The following SFMBT2 variants were observed in gnomAD, a reference collection of about 807,000 sequenced individuals.
The protein encoded by SFMBT2 is scm-like with four MBT domains protein 2.
SFMBT2 carries 38 observed loss-of-function variants against 110.1 expected under a neutral mutation model. The ratio of observed to expected loss-of-function variants is 0.35; its 90% CI spans 0.27 to 0.45. The LOEUF (loss-of-function observed/expected upper bound fraction) is 0.45. Ranked by LOEUF, SFMBT2 falls within the 20% of genes least tolerant of loss-of-function variation. SFMBT2 has a pLI of 1.00. For synonymous variants in SFMBT2, 425 were observed against 425.4 expected (o/e 1.00, Z 0.01); for missense variants, 1,011 against 1,094.9 (o/e 0.92, Z 1.08).
At chr10:7,179,355 G>A (rs1297396519) in intron 16 of SFMBT2, among the ~76,000 whole-genome samples, 1 of 142,348 alleles carries the variant, frequency 7.0e-6, no homozygotes, top group Non-Finnish European at 1.5e-5. Context: ...GACCCACGTT[G>A]GGGCGGTTCT....
At chr10:7,180,621 T>G (rs1838216838) in intron 16 of SFMBT2, among the ~76,000 whole-genome samples, 1 of 152,154 alleles carries the variant, frequency 6.6e-6, no homozygotes, top group African/African-American at 2.4e-5. Flanking sequence ...GATCTCTGTC[T>G]TCTCAATCCC....
At chr10:7,282,098 C>A (rs1392452816) in intron 6 of SFMBT2, among the ~76,000 whole-genome samples, 2 of 152,264 alleles carry the variant, frequency 1.3e-5, no homozygotes, top group Admixed American at 1.3e-4. Flanking sequence ...GCCATCATGC[C>A]CTGCCTGTTC....
chr10:7,378,729 G>T (rs1439139922), intron 2 of SFMBT2, among the ~76,000 whole-genome samples: 1 of 148,382 alleles, frequency 6.7e-6, no homozygotes, highest in Non-Finnish European at 1.5e-5. Context: ...TGTGGGGTGG[G>T]TGTGTGGCTG....
chr10:7,277,945 C>T (rs1341665450), intron 6 of SFMBT2, among the ~76,000 whole-genome samples: 1 of 152,220 alleles, frequency 6.6e-6, no homozygotes, highest in Non-Finnish European at 1.5e-5. Flanking sequence ...CTTTTGAACT[C>T]ACCTTGAGCT....
intron 4 of SFMBT2, among the ~76,000 whole-genome samples, chr10:7,297,031 A>G (rs1842424620): frequency 6.6e-6 from 1 of 152,244 alleles, no homozygotes; most frequent in African/African-American, 2.4e-5. Flanking sequence ...ACACCTCCAC[A>G]GTCATGAGAG....
chr10:7,215,575 G>C (rs973602487), intron 11 of SFMBT2: 3 of 985,300 alleles, frequency 3.0e-6, no homozygotes, highest in Non-Finnish European at 3.6e-6. Flanking sequence ...CCAAGCACTG[G>C]AATCCCTCCC....
chr10:7,329,515 G>C, intron 4 of SFMBT2: 1 of 984,758 alleles, frequency 1.0e-6, no homozygotes, highest in Non-Finnish European at 1.2e-6. Flanking sequence ...GAGAGGAGGT[G>C]CTGCTGCTGC....
intron 11 of SFMBT2, among the ~76,000 whole-genome samples, chr10:7,216,733 C>T (rs545589866): frequency 7.2e-5 from 11 of 152,298 alleles, no homozygotes; most frequent in South Asian, 2.1e-4. Context: ...TCAAAATTCC[C>T]GCCACTCCCT....
rs141321133 is a variant in SFMBT2 at position 7,220,598 on chromosome 10, G to A, written c.1204-61C>T. On this transcript the variant is annotated intron_variant, in intron 10 of 20. Coordinates refer to ENST00000397167, the MANE Select transcript of SFMBT2 (RefSeq NM_001387889.1). Reference sequence around the variant, plus strand: ...TGACGCAGCAGGACAAAGCTGGGCAGATGAAGAAAGAGAAAGAAATGCACG... The same window carrying A: ...TGACGCAGCAGGACAAAGCTGGGCAAATGAAGAAAGAGAAAGAAATGCACG... The A allele has an allele frequency of 5.9e-3, 9,348 of 1,587,620 alleles. 45 individuals carry two copies. The highest frequency in any genetic ancestry group is 6.9e-3 in the Non-Finnish European group (8,005 of 1,158,674).
chr10:7,396,185 G>T (rs1845921623), intron 1 of SFMBT2, among the ~76,000 whole-genome samples: 1 of 152,196 alleles, frequency 6.6e-6, no homozygotes, highest in Non-Finnish European at 1.5e-5. Flanking sequence ...GGAGATGGAG[G>T]TTGCAGTGAG....
At chr10:7,391,302 T>G (rs537292333) in intron 1 of SFMBT2, among the ~76,000 whole-genome samples, 3 of 148,994 alleles carry the variant, frequency 2.0e-5, no homozygotes, top group Non-Finnish European at 4.5e-5. Flanking sequence ...CCTGTCTCTA[T>G]TAAGAATAGA....
chr10:7,166,545 G>A (rs998174002), intron 20 of SFMBT2, among the ~76,000 whole-genome samples: 1 of 152,192 alleles, frequency 6.6e-6, no homozygotes, highest in Non-Finnish European at 1.5e-5. Flanking sequence ...TGGCCTCTGG[G>A]GAATGTCACA....
In SFMBT2 at chr10:7,163,710, C is replaced by A; in HGVS notation, c.*60G>T. 1.3e-6 allele frequency: 2 copies of A among 1,486,416 alleles called. No homozygotes were observed. The highest frequency in any genetic ancestry group is 1.2e-5 in the South Asian group (1 of 84,298). The allele number at this position is 1,486,416 out of a possible 1,614,324, so 92.1% of individuals were successfully genotyped here. ...TATCCCGGAAAATCAAAGTTTCAGT[C>A]CTGGAAACCTTTACCAACACCGCAT... On this transcript the variant is annotated 3_prime_UTR_variant, in exon 21 of 21. Transcript: ENST00000397167. This position sits in a 1 kb window ranked among gnomAD's most constrained non-coding sequence, Gnocchi z 4.8.
intron 1 of SFMBT2, among the ~76,000 whole-genome samples, chr10:7,401,401 C>T (rs1417637414): frequency 1.3e-5 from 2 of 152,182 alleles, no homozygotes; most frequent in African/African-American, 4.8e-5. Context: ...CCCACAGCTT[C>T]CAGCACACGG....
At chr10:7,392,432 T>C (rs758251057) in intron 1 of SFMBT2, among the ~76,000 whole-genome samples, 4 of 152,070 alleles carry the variant, frequency 2.6e-5, no homozygotes, top group African/African-American at 9.7e-5. Flanking sequence ...GGAGAATCGC[T>C]TGAACCCAGG....
At chr10:7,363,227 C>A (rs1337383589) in intron 4 of SFMBT2, among the ~76,000 whole-genome samples, 1 of 152,162 alleles carries the variant, frequency 6.6e-6, no homozygotes, top group Admixed American at 6.5e-5. Context: ...AAGGGAAATT[C>A]CCCTGCACAG....
At chr10:7,238,224 G>T (rs1394367536) in intron 9 of SFMBT2, among the ~76,000 whole-genome samples, 3 of 152,208 alleles carry the variant, frequency 2.0e-5, no homozygotes, top group East Asian at 1.9e-4. Flanking sequence ...CTCACTAGCG[G>T]CCTGAAACAG....
At chr10:7,226,089 A>AC (rs1179790250) in intron 10 of SFMBT2, among the ~76,000 whole-genome samples, 1 of 152,216 alleles carries the variant, frequency 6.6e-6, no homozygotes, top group Non-Finnish European at 1.5e-5. Flanking sequence ...TGCAAAGGCG[A>AC]CATCATTCGG....
At chr10:7,385,703 G>T (rs976527311) in intron 1 of SFMBT2, among the ~76,000 whole-genome samples, 1 of 152,124 alleles carries the variant, frequency 6.6e-6, no homozygotes, top group Non-Finnish European at 1.5e-5. Context: ...ATTCCAGTAC[G>T]AAAGCCCCTC....
Sources: gnomAD v4.1 joint callset for allele counts (sites outside exome capture counted in the v4.1 genomes callset) on GRCh38, gnomAD v4.1.1 for gene constraint, Gnocchi (gnomAD v3.1) non-coding constraint, MANE v1.5 for transcripts, NCBI Gene and HGNC (gene_info 2026-07-23, HGNC 2026-07-21) for gene names.